Variants in RASGRP3 observed in about 807,000 individuals in gnomAD.
The protein encoded by RASGRP3 is ras guanyl-releasing protein 3.
A neutral mutation model predicts 82.7 loss-of-function variants in RASGRP3; 54 were observed. The ratio of observed to expected loss-of-function variants is 0.65; its 90% CI spans 0.52 to 0.82. The LOEUF (loss-of-function observed/expected upper bound fraction) is 0.82, where lower values mean the gene tolerates loss of function less well. Ranked by LOEUF, RASGRP3 falls within the 40% of genes least tolerant of loss-of-function variation. The pLI is 0.00. For missense variants in RASGRP3, 861 were observed against 828.9 expected, an observed-to-expected ratio of 1.04 and a Z score of -0.48; for synonymous variants, 309 against 300.5, an observed-to-expected ratio of 1.03 and a Z score of -0.29.
chr2:33,512,559 T>G (rs1671032417), intron 2 of RASGRP3, among the ~76,000 whole-genome samples: 1 of 152,214 alleles, frequency 6.6e-6, no homozygotes, highest in African/African-American at 2.4e-5. Context: ...TATAGGCAGA[T>G]TCTATTAAGT....
chr2:33,558,960 A>C lies in RASGRP3; in HGVS notation c.1994A>C (p.Asp665Ala). The change falls in exon 17 of 18, where the codon GAT becomes GCT. Residue 665 changes from aspartate (D) to alanine (A), a missense_variant. Coordinates refer to ENST00000403687, the MANE Select transcript of RASGRP3 (RefSeq NM_001139488.2). ...AAGCCCAGGGTGCATGCTGGTGTGG[A>C]TGTTGTAGACCGGGGCACGGAGTTT... Reference protein sequence around the residue: ...NEKPRVHAGVDVVDRGTEFEL... With the variant: ...NEKPRVHAGVAVVDRGTEFEL... 1 of 1,614,008 alleles carries C rather than the reference A, an allele frequency of 6.2e-7. No individual in the cohort carries two copies. Among genetic ancestry groups the C allele is most frequent in the Non-Finnish European group, 8.5e-7 (1 of 1,179,898 alleles).
In RASGRP3 at chr2:33,450,399, C is replaced by T. The variant is rs78098693; in HGVS notation, c.-261+2456C>T. On this transcript the variant is annotated intron_variant, in intron 2 of 18. Coordinates refer to the RASGRP3 transcript ENST00000402538. ...CTCCTCATTCTCACCTCTTCCCAGCCCCTTGCAATCCTCATTCTACTCTCT... is the reference window on the plus strand; with the variant it reads ...CTCCTCATTCTCACCTCTTCCCAGCTCCTTGCAATCCTCATTCTACTCTCT... 8.3e-3 allele frequency among the ~76,000 whole-genome samples: 1,264 copies of T among 151,922 alleles called. 19 individuals are homozygous for T. The highest frequency in any genetic ancestry group is 0.03 in the African/African-American group (1,219 of 41,252).
intron 1 of RASGRP3, among the ~76,000 whole-genome samples, chr2:33,494,593 G>C (rs909139444): frequency 2.0e-5 from 3 of 152,182 alleles, no homozygotes; most frequent in African/African-American, 4.8e-5. Flanking sequence ...AAGTGGGAGA[G>C]AGTGAAACTA....
chr2:33,470,470 G>C (rs766623721), intron 2 of RASGRP3, among the ~76,000 whole-genome samples: 4 of 150,930 alleles, frequency 2.7e-5, no homozygotes, highest in Non-Finnish European at 5.9e-5. Context: ...AGCTCCGCCT[G>C]ACGGGTTCAC....
upstream of RASGRP3, among the ~76,000 whole-genome samples, chr2:33,474,001 T>C (rs1367588132): frequency 1.3e-5 from 2 of 152,026 alleles, no homozygotes; most frequent in African/African-American, 2.4e-5. Context: ...ATAGTGTTCA[T>C]GCTCCTATGG....
At chr2:33,446,832 A>T (rs1392270604) in intron 1 of RASGRP3, among the ~76,000 whole-genome samples, 2 of 152,066 alleles carry the variant, frequency 1.3e-5, no homozygotes, top group East Asian at 3.9e-4. Flanking sequence ...CCATTAAAAA[A>T]ATATATCAAT....
rs1361773590 is a variant in RASGRP3, at chr2:33,552,744, TCCC to T, written c.1543-2786_1543-2784del. Among the ~76,000 whole-genome samples the T allele has an allele frequency of 2.7e-3, 415 of 152,176 alleles. 3 individuals carry two copies. Among genetic ancestry groups the T allele is most frequent in the African/African-American group, 9.8e-3 (406 of 41,512 alleles). On this transcript the variant is annotated intron_variant, in intron 14 of 17. Transcript: ENST00000403687. ...CCAGAACTGAAAGAGTGTTAGTAATTCCCTTATTTTGTAGATGAAGAAACTGAG... is the reference window on the plus strand; with the variant it reads ...CCAGAACTGAAAGAGTGTTAGTAATTTTATTTTGTAGATGAAGAAACTGAG...
chr2:33,544,566 T>C (rs2151080405), intron 13 of RASGRP3, among the ~76,000 whole-genome samples: 1 of 152,092 alleles, frequency 6.6e-6, no homozygotes, highest in Non-Finnish European at 1.5e-5. Context: ...ATTTGATTAA[T>C]TGTTAATAGT....
Position 33,558,983 on chromosome 2 carries a change from T to A in RASGRP3, c.2017T>A (p.Phe673Ile), listed in dbSNP as rs769845170. 1 of 1,613,562 alleles carries A rather than the reference T, an allele frequency of 6.2e-7. No individual in the cohort carries two copies. Among genetic ancestry groups the A allele is most frequent in the South Asian group, 1.1e-5 (1 of 90,998 alleles). Residue 673 changes from phenylalanine to isoleucine, a missense_variant, in exon 17 of 18, where the codon TTT (phenylalanine) becomes ATT (isoleucine). Physicochemically the swap from Phe to Ile is conservative, Grantham distance 21. Coordinates refer to ENST00000403687, the MANE Select transcript of RASGRP3 (RefSeq NM_001139488.2). ...GVDVVDRGTE[F>I]ELDQDEGEET... ...GGATGTTGTAGACCGGGGCACGGAG[T>A]TTGAACTTGACCAGGATGAAGGAGA...
intron 11 of RASGRP3, among the ~76,000 whole-genome samples, chr2:33,535,769 G>A (rs983519047): frequency 3.2e-4 from 49 of 152,326 alleles, no homozygotes; most frequent in African/African-American, 1.1e-3. Context: ...TTTAAAGCTA[G>A]CAAGAGTAAG....
chr2:33,524,681 G>C, intron 9 of RASGRP3, 133 bp downstream of exon 9: 1 of 651,318 alleles, frequency 1.5e-6, no homozygotes, highest in Admixed American at 3.2e-5. Flanking sequence ...TATAAATGGG[G>C]ACAAAGTAGA....
At chr2:33,479,592 G>A (rs1247730182) in intron 1 of RASGRP3, among the ~76,000 whole-genome samples, 1 of 152,110 alleles carries the variant, frequency 6.6e-6, no homozygotes, top group South Asian at 2.1e-4. Context: ...GGGTCACGGG[G>A]CAGGGGACTA....
chr2:33,461,249 AG>A lies in RASGRP3; in HGVS notation c.-261+13309del, dbSNP rs377248332. 3.4e-3 allele frequency among the ~76,000 whole-genome samples: 517 copies of A among 152,310 alleles called. 4 individuals carry two copies. Among genetic ancestry groups the A allele is most frequent in the African/African-American group, 0.012 (490 of 41,576 alleles). ...GACTCCTTTTTTAAATTAAAACGTT[AG>A]GGAAAACTGGAAATTTCTCTACCAC... On this transcript the variant is annotated intron_variant, in intron 2 of 18. Coordinates refer to the RASGRP3 transcript ENST00000402538.
intron 1 of RASGRP3, chr2:33,493,303 T>C (rs551715394): frequency 6.6e-6 from 1 of 152,434 alleles, no homozygotes; most frequent in South Asian, 2.1e-4. Flanking sequence ...CATTGTCTGA[T>C]GTGGGTAGAA....
At chr2:33,520,399 A>T (rs1236341961) in intron 5 of RASGRP3, among the ~76,000 whole-genome samples, 154 bp from the exon 6 acceptor site, 2 of 152,156 alleles carry the variant, frequency 1.3e-5, no homozygotes, top group African/African-American at 4.8e-5. Flanking sequence ...CATGTGATGG[A>T]TGGGGTTTTG....
intron 2 of RASGRP3, among the ~76,000 whole-genome samples, chr2:33,465,212 G>T (rs1666623956): frequency 6.6e-6 from 1 of 152,164 alleles, no homozygotes; most frequent in South Asian, 2.1e-4. Context: ...TATGAAGAAA[G>T]TTTTAGTGGT....
intron 13 of RASGRP3, among the ~76,000 whole-genome samples, chr2:33,544,116 C>A (rs888008957): frequency 6.6e-6 from 1 of 152,128 alleles, no homozygotes; most frequent in Non-Finnish European, 1.5e-5. Context: ...GAGTTAAAGA[C>A]CAGCCTGGCC....
chr2:33,469,360 G>T (rs1372319072), intron 2 of RASGRP3, among the ~76,000 whole-genome samples: 1 of 151,900 alleles, frequency 6.6e-6, no homozygotes, highest in African/African-American at 2.4e-5. Context: ...CTTCTGTTGT[G>T]ACTGTGATTG....
In RASGRP3 at chr2:33,540,561, TGTGTGTGTGTGTGTGTGTGTG is replaced by T. The variant is rs1674181926; in HGVS notation, c.1278+1352_1278+1372del. Among the ~76,000 whole-genome samples, 13 of 117,826 alleles carry T rather than the reference TGTGTGTGTGTGTGTGTGTGTG, an allele frequency of 1.1e-4. 2 individuals are homozygous for T. Among genetic ancestry groups the T allele is most frequent in the African/African-American group, 1.5e-4 (5 of 33,320 alleles). The allele number at this position is 117,826 out of a possible 152,430, so 77.3% of individuals were successfully genotyped here. A position where few individuals can be genotyped will look rare whatever the true frequency, so the allele number is the denominator to read the frequency against. The stretch of plus-strand genomic sequence containing the variant: ...TCTCTCTCTGTGTGTGTGTTTTGTG[TGTGTGTGTGTGTGTGTGTGTG>T]TGTGTGTGTGTGTGTGTGTGTGTCT... On this transcript the variant is annotated intron_variant, in intron 12 of 17. Transcript: ENST00000403687.
Sources: gnomAD v4.1 joint callset for allele counts (sites outside exome capture counted in the v4.1 genomes callset) on GRCh38, gnomAD v4.1.1 for gene constraint, MANE v1.5 for transcripts, NCBI Gene and HGNC (gene_info 2026-07-23, HGNC 2026-07-21) for gene names.